C11orf98: variants seen among roughly 807,000 people sequenced by gnomAD.
The protein encoded by C11orf98 is 28S rRNA/ribosome and sororin micro-cofactor.
C11orf98 carries 7 observed loss-of-function variants against 10.9 expected under a neutral mutation model. That is an observed-to-expected ratio of 0.64 (90% CI 0.37 to 1.21). The LOEUF is 1.21. Ranked by LOEUF, C11orf98 falls within the 50% of genes most tolerant of loss-of-function variation. C11orf98 has a pLI of 0.02. For missense variants in C11orf98, 181 were observed against 153.7 expected (o/e 1.18, Z -0.94); for synonymous variants, 70 against 57.2 (o/e 1.22, Z -1.01).
At chr11:62,664,323 ATTC>A (rs1354430759) in intron 2 of C11orf98, among the ~76,000 whole-genome samples, 4 of 124,034 alleles carry the variant, frequency 3.2e-5, no homozygotes, top group African/African-American at 1.2e-4. Context: ...ATTTCCTGAT[ATTC>A]TTTTTTTTTT....
chr11:62,664,740 T>C (rs1944747855), intron 2 of C11orf98, 109 bp downstream of exon 2: 3 of 1,377,964 alleles, frequency 2.2e-6, no homozygotes, highest in Non-Finnish European at 3.0e-6. Flanking sequence ...ATTCCCCGCA[T>C]AAGCGTCAGT....
At chr11:62,663,836 GCTGAGGTGGGCGGATCAC>G (rs1944718591) in intron 2 of C11orf98, among the ~76,000 whole-genome samples, 1 of 151,760 alleles carries the variant, frequency 6.6e-6, no homozygotes, top group Admixed American at 6.6e-5. Flanking sequence ...ACTTTGGGAG[GCTGAGGTGGGCGGATCAC>G]CTGAGGTCAG....
In C11orf98 at chr11:62,663,277, T is replaced by TGGA; in HGVS notation, c.218_220dup (p.Leu73dup). ...CTCTTTCTGGGCAAGCCGGATCTGC[T>TGGA]GGAGGAGTTTTCTGCGCTTCTTCCC... On this transcript the variant is annotated inframe_insertion, in exon 3 of 4. Coordinates refer to ENST00000524958, the MANE Select transcript of C11orf98 (RefSeq NM_001286086.2). 1 of 1,614,204 alleles carries TGGA rather than the reference T, an allele frequency of 6.2e-7. No individual in the cohort carries two copies. Among genetic ancestry groups the TGGA allele is most frequent in the Non-Finnish European group, 8.5e-7 (1 of 1,180,040 alleles).
Position 62,664,755 on chromosome 11 carries a change from A to T in C11orf98, c.164+94T>A, listed in dbSNP as rs890676943. The T allele has an allele frequency of 3.4e-6, 5 of 1,460,502 alleles. No homozygotes were observed. The African/African-American group carries it at 4.2e-5, about 12-fold the overall frequency. 90.5% of individuals were successfully genotyped at this position (1,460,502 alleles called of 1,614,324 possible). ...ATTCCCCGCATAAGCGTCAGTGCAC[A>T]AGGTGAGCTGAGAGGTGAAGCTGCT... On this transcript the variant is annotated intron_variant, in intron 2 of 3. Transcript: ENST00000524958.
intron 2 of C11orf98, among the ~76,000 whole-genome samples, chr11:62,664,326 C>CTT (rs35917869): frequency 2.1e-3 from 162 of 77,418 alleles, no homozygotes; most frequent in Non-Finnish European, 2.7e-3. Context: ...TCCTGATATT[C>CTT]TTTTTTTTTT....
intron 3 of C11orf98, 24 bp downstream of exon 3, chr11:62,663,212 C>G (rs191835475): frequency 9.3e-6 from 15 of 1,613,814 alleles, no homozygotes; most frequent in Non-Finnish European, 1.2e-5. Context: ...GGATTCCCCT[C>G]ACCCACCTCT....
At chr11:62,663,489 G>A (rs1030186377) in intron 2 of C11orf98, among the ~76,000 whole-genome samples, 156 bp from the exon 3 acceptor site, 4 of 151,920 alleles carry the variant, frequency 2.6e-5, no homozygotes, top group Non-Finnish European at 4.4e-5. Flanking sequence ...GCTGGATCAC[G>A]AGGTCAGGAG....
Position 62,664,873 on chromosome 11 carries a change from G to A in C11orf98, c.140C>T (p.Thr47Met). Residue 47 changes from threonine (T) to methionine (M), a missense_variant, in exon 2 of 4, where the codon ACG (threonine) becomes ATG (methionine). Thr to Met is a moderately conservative substitution (Grantham distance 81). Coordinates refer to ENST00000524958, the MANE Select transcript of C11orf98 (RefSeq NM_001286086.2). Reference sequence around the variant, plus strand: ...CGCCCGCTTCTTGAGGTGGTGCCGCGTGATCAGCCCTTGGTCTATCACAGC... The same window carrying A: ...CGCCCGCTTCTTGAGGTGGTGCCGCATGATCAGCCCTTGGTCTATCACAGC... ...VGAVIDQGLITRHHLKKRASS... is the reference protein window; with the variant it reads ...VGAVIDQGLIMRHHLKKRASS... 5 of 1,579,282 alleles carry A rather than the reference G, an allele frequency of 3.2e-6. No homozygotes were observed. Among genetic ancestry groups the A allele is most frequent in the Non-Finnish European group, 4.3e-6 (5 of 1,162,430 alleles).
intron 1 of C11orf98, 79 bp from the exon 2 acceptor site, chr11:62,665,052 C>G: frequency 6.3e-7 from 1 of 1,581,544 alleles, no homozygotes; most frequent in Non-Finnish European, 8.6e-7. Flanking sequence ...GCCCCGGCCC[C>G]TCACTGATCC....
intron 1 of C11orf98, 45 bp downstream of exon 1, chr11:62,665,086 T>C (rs749256992): frequency 1.8e-5 from 26 of 1,475,704 alleles, no homozygotes; most frequent in Admixed American, 1.3e-4. Context: ...ATAAAAGGGC[T>C]CAGGAACGCT....
chr11:62,663,174 G>A lies in C11orf98; in HGVS notation c.263-15C>T. 6.2e-7 allele frequency: 1 copy of A among 1,613,900 alleles called. No homozygotes were observed. The highest frequency in any genetic ancestry group is 8.5e-7 in the Non-Finnish European group (1 of 1,179,924). ...AGGGGCTTCCACTGAGTAAAGGGAA[G>A]AAGGAAGTATTATCCCAAATAAATC... On this transcript the variant is annotated splice_polypyrimidine_tract_variant and intron_variant, in intron 3 of 3. Transcript: ENST00000524958.
At chr11:62,663,454 C>G (rs1005510640) in intron 2 of C11orf98, 121 bp from the exon 3 acceptor site, 3 of 1,028,606 alleles carry the variant, frequency 2.9e-6, no homozygotes, top group Admixed American at 2.8e-5. Context: ...CGCCTGTAAT[C>G]CCAGCACTTT....
chr11:62,662,822 G>A lies in C11orf98; in HGVS notation c.*228C>T. Reference sequence around the variant, plus strand: ...TACATTTAATCACACACATCTCAGAGTGCTAGGGCTTTATTACAAATGGAG... The same window carrying A: ...TACATTTAATCACACACATCTCAGAATGCTAGGGCTTTATTACAAATGGAG... On this transcript the variant is annotated 3_prime_UTR_variant, in exon 4 of 4. Transcript: ENST00000524958. 3 of 548,428 alleles carry A rather than the reference G, an allele frequency of 5.5e-6. No homozygotes were observed. In the South Asian group the frequency reaches 7.2e-5, roughly 13 times the overall value. 34.0% of individuals were successfully genotyped at this position (548,428 alleles called of 1,614,324 possible). A position where few individuals can be genotyped will look rare whatever the true frequency, so the allele number is the denominator to read the frequency against.
At position 62,662,976 on chromosome 11, in the gene C11orf98, T is replaced by C. The variant is rs192448421; in HGVS notation, c.*74A>G. On this transcript the variant is annotated 3_prime_UTR_variant, in exon 4 of 4. Coordinates refer to ENST00000524958, the MANE Select transcript of C11orf98 (RefSeq NM_001286086.2). ...CTGGAGAGTGAAAAGGGGCCTTGCTTTTGTCAAAGTCCTCTGAAACAACCA... is the reference window on the plus strand; with the variant it reads ...CTGGAGAGTGAAAAGGGGCCTTGCTCTTGTCAAAGTCCTCTGAAACAACCA... 3 of 1,212,202 alleles carry C rather than the reference T, an allele frequency of 2.5e-6. No individual in the cohort carries two copies. In the Admixed American group the frequency reaches 6.8e-5, roughly 27 times the overall value. 75.1% of individuals were successfully genotyped at this position (1,212,202 alleles called of 1,614,324 possible).
rs1476006679 is a variant in C11orf98, at chr11:62,662,874, A to G, written c.*176T>C. The G allele has an allele frequency of 1.2e-5, 7 of 599,910 alleles. 1 individual carries two copies. The highest frequency in any genetic ancestry group is 2.1e-5 in the South Asian group (1 of 47,330). 37.2% of individuals were successfully genotyped at this position (599,910 alleles called of 1,614,324 possible). On this transcript the variant is annotated 3_prime_UTR_variant, in exon 4 of 4. Coordinates refer to ENST00000524958, the MANE Select transcript of C11orf98 (RefSeq NM_001286086.2). Reference sequence around the variant, plus strand: ...TGACTGCTAGAGAGGCCCTTCTCCAATCTTTCTTCTGTACCTTCTTCCCTC... The same window carrying G: ...TGACTGCTAGAGAGGCCCTTCTCCAGTCTTTCTTCTGTACCTTCTTCCCTC...
At chr11:62,664,141 C>A (rs889909479) in intron 2 of C11orf98, among the ~76,000 whole-genome samples, 4 of 150,374 alleles carry the variant, frequency 2.7e-5, no homozygotes, top group African/African-American at 9.8e-5. Context: ...GGGAACTCTT[C>A]CTCAAGACAC....
rs766276328 is a variant in C11orf98 at position 62,663,338 on chromosome 11, T to C, written c.165-5A>G. 4 of 1,612,638 alleles carry C rather than the reference T, an allele frequency of 2.5e-6. No homozygotes were observed. Among genetic ancestry groups the C allele is most frequent in the Admixed American group, 1.7e-5 (1 of 59,792 alleles). On this transcript the variant is annotated splice_polypyrimidine_tract_variant and splice_region_variant and intron_variant, in intron 2 of 3. Coordinates refer to ENST00000524958, the MANE Select transcript of C11orf98 (RefSeq NM_001286086.2). ...ATGTTGGCACGTGCACTGGACCTGA[T>C]GGGTAAGTGGAAATAAAGAGAGCTA...
chr11:62,664,822 C>T (rs1944750084), intron 2 of C11orf98, 27 bp downstream of exon 2: 1 of 1,553,782 alleles, frequency 6.4e-7, no homozygotes, highest in Admixed American at 1.9e-5. Context: ...GTGGGGACGA[C>T]CAACAGGAAG....
chr11:62,665,090 G>T, intron 1 of C11orf98, 41 bp downstream of exon 1: 1 of 1,452,306 alleles, frequency 6.9e-7, no homozygotes, highest in Non-Finnish European at 9.4e-7. Context: ...AAGGGCTCAG[G>T]AACGCTTGAG....
Sources: gnomAD v4.1 joint callset for allele counts (sites outside exome capture counted in the v4.1 genomes callset) on GRCh38, gnomAD v4.1.1 for gene constraint, MANE v1.5 for transcripts, NCBI Gene and HGNC (gene_info 2026-07-23, HGNC 2026-07-21) for gene names.